ATRNL1: variants seen among roughly 807,000 people sequenced by gnomAD.
ATRNL1 encodes the protein attractin like 1, also known as attractin-like protein 1.
ATRNL1 carries 95 observed loss-of-function variants against 182.7 expected under a neutral mutation model. The ratio of observed to expected loss-of-function variants is 0.52; its 90% confidence interval spans 0.44 to 0.62. The LOEUF is 0.62. Ranked by LOEUF, ATRNL1 falls within the 20% of genes least tolerant of loss-of-function variation. The pLI, the probability that ATRNL1 is intolerant of heterozygous loss-of-function variation, is 0.00. For synonymous variants in ATRNL1, 576 were observed against 568.3 expected (o/e 1.01, Z -0.19); for missense variants, 1,471 against 1,679.5 (o/e 0.88, Z 2.17).
chr10:115,286,877 G>A (rs1165267896), intron 15 of ATRNL1, among the ~76,000 whole-genome samples: 1 of 151,648 alleles, frequency 6.6e-6, no homozygotes, highest in Non-Finnish European at 1.5e-5. Context: ...TAAACAATAC[G>A]GCATAACAGC....
chr10:115,343,864 T>C (rs898324411), intron 19 of ATRNL1, among the ~76,000 whole-genome samples: 1 of 152,208 alleles, frequency 6.6e-6, no homozygotes, highest in Non-Finnish European at 1.5e-5. Context: ...AGCCCAGTAA[T>C]ACTTTACTTA....
chr10:115,562,749 A>T (rs1425242202), intron 26 of ATRNL1, among the ~76,000 whole-genome samples: 1 of 152,174 alleles, frequency 6.6e-6, no homozygotes, highest in Admixed American at 6.5e-5. Flanking sequence ...CCCTTCTGCC[A>T]TGATTGTAAG....
chr10:115,559,414 T>TTGTGTGTGTGTGTGTG (rs138709567), intron 26 of ATRNL1, among the ~76,000 whole-genome samples: 206 of 147,654 alleles, frequency 1.4e-3, no homozygotes, highest in East Asian at 0.014. Flanking sequence ...TTCTTGGTGT[T>TTGTGTGTGTGTGTGTG]TGTGTGTGTG....
intron 26 of ATRNL1, among the ~76,000 whole-genome samples, chr10:115,557,586 A>G (rs1853386722): frequency 6.6e-6 from 1 of 152,202 alleles, no homozygotes; most frequent in African/African-American, 2.4e-5. Context: ...CTTAGAAATC[A>G]TTGCTGACCC....
chr10:115,843,481 A>T (rs1367988291), intron 27 of ATRNL1, among the ~76,000 whole-genome samples: 2 of 152,060 alleles, frequency 1.3e-5, no homozygotes, highest in African/African-American at 2.4e-5. Flanking sequence ...TTATAGATGA[A>T]GTGACATTTG....
intron 8 of ATRNL1, among the ~76,000 whole-genome samples, chr10:115,177,877 T>G (rs1847580876): frequency 6.6e-6 from 1 of 151,030 alleles, no homozygotes; most frequent in African/African-American, 2.4e-5. Flanking sequence ...AGCTGTGTTT[T>G]TTTTTTTTTT....
chr10:115,506,450 C>T (rs1334674216), intron 24 of ATRNL1, among the ~76,000 whole-genome samples: 1 of 152,004 alleles, frequency 6.6e-6, no homozygotes, highest in Non-Finnish European at 1.5e-5. Context: ...CAAGACAAAA[C>T]CCCAATTTAG....
intron 26 of ATRNL1, among the ~76,000 whole-genome samples, chr10:115,725,057 A>C (rs1178093147): frequency 6.6e-6 from 1 of 152,166 alleles, no homozygotes; most frequent in Non-Finnish European, 1.5e-5. Flanking sequence ...CTTTACTGAC[A>C]CACTATATTG....
At chr10:115,914,029 A>G (rs1214548147) in intron 28 of ATRNL1, among the ~76,000 whole-genome samples, 1 of 152,146 alleles carries the variant, frequency 6.6e-6, no homozygotes, top group African/African-American at 2.4e-5. Flanking sequence ...AGGTGATTAG[A>G]TCATGGGGTA....
intron 26 of ATRNL1, among the ~76,000 whole-genome samples, chr10:115,689,274 G>A (rs1482821565): frequency 6.6e-6 from 1 of 152,100 alleles, no homozygotes; most frequent in Non-Finnish European, 1.5e-5. Context: ...ATTTTTTTGT[G>A]TGGTTTGTTC....
chr10:115,155,192 C>T (rs1221775360), intron 5 of ATRNL1, among the ~76,000 whole-genome samples: 1 of 151,574 alleles, frequency 6.6e-6, no homozygotes, highest in Non-Finnish European at 1.5e-5. Flanking sequence ...TATGTCTTTA[C>T]AGGTGGTATG....
At chr10:115,143,079 G>A (rs1433855932) in intron 5 of ATRNL1, among the ~76,000 whole-genome samples, 3 of 152,086 alleles carry the variant, frequency 2.0e-5, no homozygotes, top group African/African-American at 7.2e-5. Flanking sequence ...GGAGGTGTTC[G>A]CTTAAATATT....
In ATRNL1 at chr10:115,459,911, G is replaced by A. The variant is rs889884582; in HGVS notation, c.3323-2030G>A. Among the ~76,000 whole-genome samples the A allele has an allele frequency of 5.9e-5, 9 of 152,046 alleles. No individual in the cohort carries two copies. The South Asian group carries it at 1.0e-3, about 18-fold the overall frequency. On this transcript the variant is annotated intron_variant, in intron 21 of 28. Transcript: ENST00000355044. ...CCCTTTATTTCTCAAGCCAGCCGAC[G>A]CTTAGGAAAATAGAAAAGAACCTAA... is the stretch of plus-strand genomic sequence containing the variant.
chr10:115,279,564 T>C (rs969999234), intron 13 of ATRNL1, among the ~76,000 whole-genome samples: 1 of 152,180 alleles, frequency 6.6e-6, no homozygotes, highest in African/African-American at 2.4e-5. Flanking sequence ...CAAGAGAATT[T>C]AAAGATGTTT....
chr10:115,677,316 A>G (rs1458093011), intron 26 of ATRNL1, among the ~76,000 whole-genome samples: 6 of 152,066 alleles, frequency 3.9e-5, no homozygotes, highest in Non-Finnish European at 8.8e-5. Context: ...GGTTTGATAC[A>G]GGAAAATCCC....
chr10:115,139,643 A>G (rs1554877594), intron 5 of ATRNL1, among the ~76,000 whole-genome samples: 1 of 152,180 alleles, frequency 6.6e-6, no homozygotes, highest in Non-Finnish European at 1.5e-5. Flanking sequence ...TGGGAATTCA[A>G]GATGAGATTT....
intron 27 of ATRNL1, among the ~76,000 whole-genome samples, chr10:115,785,353 T>C (rs1337779609): frequency 6.6e-5 from 10 of 152,234 alleles, no homozygotes; most frequent in African/African-American, 2.4e-4. Flanking sequence ...GGGCCTTTGT[T>C]GGGGCATCCC....
intron 28 of ATRNL1, among the ~76,000 whole-genome samples, chr10:115,930,908 G>C (rs1953376088): frequency 6.6e-6 from 1 of 151,938 alleles, no homozygotes; most frequent in Non-Finnish European, 1.5e-5. Flanking sequence ...AACAAACAAA[G>C]AAAAACAACT....
intron 24 of ATRNL1, among the ~76,000 whole-genome samples, chr10:115,486,282 A>T (rs11197240): frequency 9.9e-5 from 15 of 151,856 alleles, no homozygotes; most frequent in Non-Finnish European, 2.2e-4. Context: ...TGCTGGGTCA[A>T]ATAGTATTTC....
Sources: allele counts gnomAD v4.1 joint callset (sites outside exome capture counted in the v4.1 genomes callset), GRCh38; gene constraint gnomAD v4.1.1; transcripts MANE v1.5; gene names NCBI Gene and HGNC (gene_info 2026-07-23, HGNC 2026-07-21).